Variants in ZNF83 observed in about 807,000 individuals in gnomAD.
ZNF83 encodes the protein zinc finger protein 83.
For synonymous variants in ZNF83, 209 were observed against 213.0 expected, an observed-to-expected ratio of 0.98 and a Z score of 0.17; for missense variants, 552 against 629.9, an observed-to-expected ratio of 0.88 and a Z score of 1.32.
chr19:52,630,240 G>A (rs948697761), intron 2 of ZNF83, among the ~76,000 whole-genome samples: 2 of 152,188 alleles, frequency 1.3e-5, no homozygotes, highest in Non-Finnish European at 2.9e-5. Context: ...TGGCTTAGTG[G>A]CTGAAGACTG....
intron 2 of ZNF83, among the ~76,000 whole-genome samples, chr19:52,628,401 C>T (rs1370152647): frequency 6.6e-6 from 1 of 152,194 alleles, no homozygotes; most frequent in Non-Finnish European, 1.5e-5. Context: ...CCTCTGTCTC[C>T]TTTCAATCTT....
At chr19:52,686,387 G>T (rs1395920414) in intron 1 of ZNF83, among the ~76,000 whole-genome samples, 1 of 150,892 alleles carries the variant, frequency 6.6e-6, no homozygotes, top group Non-Finnish European at 1.5e-5. Flanking sequence ...CCATCTTTCA[G>T]AAGTGATTAA....
chr19:52,650,076 A>G (rs1462920712), intron 3 of ZNF83, among the ~76,000 whole-genome samples: 1 of 152,096 alleles, frequency 6.6e-6, no homozygotes, highest in African/African-American at 2.4e-5. Context: ...AAATGTTACA[A>G]GTGTGGAAAA....
intron 1 of ZNF83, among the ~76,000 whole-genome samples, chr19:52,683,055 G>C (rs986865222): frequency 2.3e-5 from 3 of 129,524 alleles, no homozygotes; most frequent in Non-Finnish European, 4.8e-5. Flanking sequence ...ATTTTTAGTA[G>C]AGATGAGGTT....
intron 2 of ZNF83, among the ~76,000 whole-genome samples, chr19:52,633,407 T>C (rs1222823159): frequency 6.6e-5 from 10 of 152,188 alleles, no homozygotes; most frequent in Non-Finnish European, 1.0e-4. Context: ...AAATATAATT[T>C]CTTTTAATTT....
At chr19:52,652,666 CT>C (rs2061457319) in intron 3 of ZNF83, 1 of 559,774 alleles carries the variant, frequency 1.8e-6, no homozygotes, top group Non-Finnish European at 3.4e-6. Context: ...ATTATGGATT[CT>C]CTAATGATTT....
At chr19:52,613,560 G>A (rs200196513) in exon 3 of ZNF83, 36 of 1,611,332 alleles carry the variant, frequency 2.2e-5, no homozygotes, top group Non-Finnish European at 2.9e-5. Context: ...GGATTCTCCA[G>A]TGATTTACTA....
intron 3 of ZNF83, among the ~76,000 whole-genome samples, chr19:52,644,349 C>T (rs1175864544): frequency 6.6e-6 from 1 of 152,110 alleles, no homozygotes; most frequent in Non-Finnish European, 1.5e-5. Context: ...AGCCCCTCAT[C>T]TGCAAGTTGC....
chr19:52,661,818 C>A (rs979350337), intron 1 of ZNF83, among the ~76,000 whole-genome samples: 1 of 152,074 alleles, frequency 6.6e-6, no homozygotes, highest in South Asian at 2.1e-4. Context: ...TCAAATGGGG[C>A]CTGTGGGAGA....
chr19:52,654,185 C>T, intron 3 of ZNF83: 2 of 1,600,412 alleles, frequency 1.2e-6, no homozygotes, highest in South Asian at 1.1e-5. Context: ...TCTGTACTAC[C>T]AGTCAACTTT....
At chr19:52,631,821 A>G (rs2060974222) in intron 2 of ZNF83, among the ~76,000 whole-genome samples, 1 of 152,158 alleles carries the variant, frequency 6.6e-6, no homozygotes, top group African/African-American at 2.4e-5. Context: ...AGTACAAGCC[A>G]CTAGCCCGCC....
chr19:52,631,937 C>A (rs558510897), intron 2 of ZNF83, among the ~76,000 whole-genome samples: 1 of 36,352 alleles, frequency 2.8e-5, no homozygotes, highest in Non-Finnish European at 5.7e-5. Flanking sequence ...TTATTCAGGC[C>A]CCCCTCCCTT....
intron 1 of ZNF83, 188 bp from the exon 2 acceptor site, chr19:52,635,341 T>C (rs1327032275): frequency 1.7e-5 from 6 of 345,894 alleles, no homozygotes; most frequent in Non-Finnish European, 3.1e-5. Flanking sequence ...ACCACACCCT[T>C]CTGGAGGAGT....
chr19:52,612,798 T>C, exon 3 of ZNF83: 1 of 500,376 alleles, frequency 2.0e-6, no homozygotes, highest in Non-Finnish European at 3.5e-6. Context: ...CCAGCAAGAA[T>C]TCTTTGAAGA....
intron 1 of ZNF83, among the ~76,000 whole-genome samples, chr19:52,669,435 A>C (rs1451655729): frequency 6.6e-6 from 1 of 152,218 alleles, no homozygotes; most frequent in African/African-American, 2.4e-5. Context: ...TAATTACACT[A>C]GAGATGCTGT....
At chr19:52,663,589 G>A (rs2061607360) in intron 1 of ZNF83, among the ~76,000 whole-genome samples, 1 of 152,170 alleles carries the variant, frequency 6.6e-6, no homozygotes, top group African/African-American at 2.4e-5. Context: ...TGATGTTAGT[G>A]TAAAGAAAAA....
intron 2 of ZNF83, among the ~76,000 whole-genome samples, chr19:52,620,254 C>CTGTGTGTGTGTG (rs200450539): frequency 7.4e-6 from 1 of 134,358 alleles, no homozygotes; most frequent in African/African-American, 2.9e-5. Context: ...GTGTGTATAT[C>CTGTGTGTGTGTG]TGTGTGTGTA....
intron 3 of ZNF83, among the ~76,000 whole-genome samples, chr19:52,654,614 C>T (rs528278500): frequency 7.9e-5 from 12 of 152,066 alleles, no homozygotes; most frequent in African/African-American, 1.4e-4. Flanking sequence ...CTACTCAGGA[C>T]GCTGAGGCAG....
In ZNF83 at chr19:52,621,758, CTGTT is replaced by C. The variant is rs144861164; in HGVS notation, c.-233-6965_-233-6962del. Among the ~76,000 whole-genome samples, 1,156 of 152,286 alleles carry C rather than the reference CTGTT, an allele frequency of 7.6e-3. 8 individuals carry two copies. Among genetic ancestry groups the C allele is most frequent in the African/African-American group, 0.026 (1,073 of 41,524 alleles). ...AAGCATCTTATTTTCTCCTGCAACACTGTTTGGCCCCAATACAAACTTGATAATG... is the reference window on the plus strand; with the variant it reads ...AAGCATCTTATTTTCTCCTGCAACACTGGCCCCAATACAAACTTGATAATG... On this transcript the variant is annotated intron_variant, in intron 2 of 2. Coordinates refer to ENST00000301096, the Ensembl canonical transcript of ZNF83.
Sources: allele counts gnomAD v4.1 joint callset (sites outside exome capture counted in the v4.1 genomes callset), GRCh38; gene constraint gnomAD v4.1.1; transcripts MANE v1.5; gene names NCBI Gene and HGNC (gene_info 2026-07-23, HGNC 2026-07-21).